MALRD1: variants seen among roughly 807,000 people sequenced by gnomAD.
MALRD1 encodes MAM and LDL-receptor class A domain-containing protein 1.
A neutral mutation model predicts 242.1 loss-of-function variants in MALRD1; 247 were observed. The observed-to-expected ratio is 1.02, with a 90% CI of 0.92 to 1.13. The LOEUF (loss-of-function observed/expected upper bound fraction) is 1.13. Among genes scored for constraint, MALRD1 ranks in the 50% most tolerant of loss-of-function variants. The pLI, the probability that MALRD1 is intolerant of heterozygous loss-of-function variation, is 0.00. For synonymous variants in MALRD1, 995 were observed against 866.6 expected, an observed-to-expected ratio of 1.15 and a Z score of -2.60; for missense variants, 2,989 against 2,533.1, an observed-to-expected ratio of 1.18 and a Z score of -3.86.
Position 19,271,546 on chromosome 10 carries a change from C to T in MALRD1, c.3080-8501C>T, listed in dbSNP as rs188870888. Among the ~76,000 whole-genome samples, 65 of 152,266 alleles carry T rather than the reference C, an allele frequency of 4.3e-4. 1 individual carries two copies. The South Asian group carries it at 0.011, about 25-fold the overall frequency. On this transcript the variant is annotated intron_variant, in intron 19 of 39. Coordinates refer to ENST00000454679, the MANE Select transcript of MALRD1 (RefSeq NM_001142308.3). ...TTGGGAGGCCGAGGCGGGCAGATCA[C>T]GAGGTCAGAGATCGAGACCATCCTG...
At chr10:19,676,695 G>A (rs1008073243) in intron 36 of MALRD1, among the ~76,000 whole-genome samples, 1 of 152,110 alleles carries the variant, frequency 6.6e-6, no homozygotes. Flanking sequence ...TAGTTCCGGG[G>A]TACATGTGCA....
chr10:19,375,842 G>A (rs182766096), intron 26 of MALRD1, among the ~76,000 whole-genome samples: 4 of 152,296 alleles, frequency 2.6e-5, no homozygotes, highest in African/African-American at 7.2e-5. Flanking sequence ...ATCTCCAGGC[G>A]GCCAGACACA....
At chr10:19,286,037 TG>T (rs1274730163) in intron 21 of MALRD1, among the ~76,000 whole-genome samples, 12 of 130,536 alleles carry the variant, frequency 9.2e-5, no homozygotes, top group South Asian at 3.1e-4. Context: ...AGTTCACTCG[TG>T]ATTTGGCTCT....
At chr10:19,417,661 T>C (rs1157362326) in intron 28 of MALRD1, among the ~76,000 whole-genome samples, 1 of 152,184 alleles carries the variant, frequency 6.6e-6, no homozygotes, top group Non-Finnish European at 1.5e-5. Context: ...GCGTATGTAA[T>C]AGTTTTAAAT....
At chr10:19,396,569 T>C (rs991117600) in intron 28 of MALRD1, among the ~76,000 whole-genome samples, 4 of 152,228 alleles carry the variant, frequency 2.6e-5, no homozygotes, top group Admixed American at 6.5e-5. Flanking sequence ...ACATAAAAAT[T>C]ATGTTGAATA....
chr10:19,279,668 C>T (rs1195154297), intron 19 of MALRD1, among the ~76,000 whole-genome samples: 1 of 152,168 alleles, frequency 6.6e-6, no homozygotes, highest in Non-Finnish European at 1.5e-5. Context: ...AGTGGAAGAA[C>T]AAAGGTTATT....
intron 31 of MALRD1, among the ~76,000 whole-genome samples, chr10:19,499,996 T>G (rs1050908470): frequency 5.3e-5 from 8 of 152,176 alleles, no homozygotes; most frequent in Non-Finnish European, 8.8e-5. Flanking sequence ...TTTGATATGA[T>G]GGTGGATTTG....
chr10:19,064,393 G>A (rs989190820), intron 1 of MALRD1, among the ~76,000 whole-genome samples: 2 of 152,036 alleles, frequency 1.3e-5, no homozygotes, highest in African/African-American at 4.8e-5. Flanking sequence ...TACAATTCAA[G>A]GAAAATTATT....
At chr10:19,099,536 A>G (rs1836172145) in intron 4 of MALRD1, among the ~76,000 whole-genome samples, 1 of 151,574 alleles carries the variant, frequency 6.6e-6, no homozygotes, top group African/African-American at 2.4e-5. Flanking sequence ...TGGTATAGGA[A>G]CTCCATGATC....
intron 38 of MALRD1, among the ~76,000 whole-genome samples, chr10:19,697,818 A>G (rs939089227): frequency 1.2e-4 from 18 of 151,740 alleles, no homozygotes; most frequent in African/African-American, 3.6e-4. Flanking sequence ...CTCTACTCCT[A>G]TTTACCCTTT....
intron 36 of MALRD1, among the ~76,000 whole-genome samples, chr10:19,631,247 T>C (rs146228755): frequency 8.5e-5 from 13 of 152,330 alleles, no homozygotes; most frequent in African/African-American, 3.1e-4. Context: ...AGGTGGAATG[T>C]AGTTTTTTGT....
At chr10:19,191,064 G>GGATT (rs1472908778) in intron 14 of MALRD1, among the ~76,000 whole-genome samples, 1 of 151,866 alleles carries the variant, frequency 6.6e-6, no homozygotes, top group Non-Finnish European at 1.5e-5. Context: ...ATCTGATAAG[G>GGATT]GATTGATATC....
chr10:19,164,542 C>G (rs1834587476), intron 12 of MALRD1, among the ~76,000 whole-genome samples: 1 of 152,030 alleles, frequency 6.6e-6, no homozygotes, highest in Non-Finnish European at 1.5e-5. Flanking sequence ...AACATACAGC[C>G]TTAGGACCTG....
intron 18 of MALRD1, among the ~76,000 whole-genome samples, chr10:19,238,481 C>CATTATATATTATATATAATGTAT (rs1838553617): frequency 6.2e-5 from 1 of 16,174 alleles, no homozygotes; most frequent in African/African-American, 2.3e-4. Context: ...ATATAATATA[C>CATTATATATTATATATAATGTAT]ATTATATATA....
chr10:19,213,073 T>G (rs1837144632), intron 18 of MALRD1, among the ~76,000 whole-genome samples: 1 of 152,126 alleles, frequency 6.6e-6, no homozygotes, highest in South Asian at 2.1e-4. Flanking sequence ...GAAGAGCAGA[T>G]TCTTTTTTTT....
chr10:19,207,601 A>T (rs1250567449), intron 17 of MALRD1, among the ~76,000 whole-genome samples: 2 of 152,116 alleles, frequency 1.3e-5, no homozygotes, highest in Non-Finnish European at 2.9e-5. Flanking sequence ...CCCGGGTTCA[A>T]GCGATTCTCC....
chr10:19,099,165 G>A lies in MALRD1; in HGVS notation c.598-4814G>A, dbSNP rs187732982. On this transcript the variant is annotated intron_variant, in intron 4 of 39. Transcript: ENST00000454679. ...GCCTTTTTTTATTGGCACAACTGCCGGCATTCACCCGTGCAAGCTTCCAGT... is the reference window on the plus strand; with the variant it reads ...GCCTTTTTTTATTGGCACAACTGCCAGCATTCACCCGTGCAAGCTTCCAGT... 2.7e-4 allele frequency among the ~76,000 whole-genome samples: 41 copies of A among 152,174 alleles called. No homozygotes were observed. In the East Asian group the frequency reaches 7.5e-3, roughly 28 times the overall value.
At chr10:19,657,856 G>A (rs114035840) in intron 36 of MALRD1, among the ~76,000 whole-genome samples, 1 of 151,944 alleles carries the variant, frequency 6.6e-6, no homozygotes, top group Non-Finnish European at 1.5e-5. Flanking sequence ...TTAAATACAC[G>A]ACTAATTTTG....
intron 2 of MALRD1, among the ~76,000 whole-genome samples, chr10:19,079,014 C>T (rs1835402711): frequency 6.7e-6 from 1 of 150,142 alleles, no homozygotes; most frequent in African/African-American, 2.4e-5. Flanking sequence ...TTATTTATTT[C>T]TTCTCTAATT....
Sources: gnomAD v4.1 joint callset for allele counts (sites outside exome capture counted in the v4.1 genomes callset) on GRCh38, gnomAD v4.1.1 for gene constraint, MANE v1.5 for transcripts, NCBI Gene and HGNC (gene_info 2026-07-23, HGNC 2026-07-21) for gene names.